Variants in COL14A1 observed in about 807,000 individuals in gnomAD.
The protein encoded by COL14A1 is collagen type XIV alpha 1 chain.
In COL14A1, 136 loss-of-function variants were observed where a neutral mutation model predicts 230.3. That is an observed-to-expected ratio of 0.59 (90% CI 0.51 to 0.68). The LOEUF (loss-of-function observed/expected upper bound fraction) is 0.68, where lower values mean the gene tolerates loss of function less well. Ranked by LOEUF, COL14A1 falls within the 30% of genes least tolerant of loss-of-function variation. The probability of loss-of-function intolerance (pLI) is 0.00; values close to 1 mark genes in which losing one functional copy is unlikely to be tolerated. For synonymous variants in COL14A1, 792 were observed against 784.1 expected, an observed-to-expected ratio of 1.01 and a Z score of -0.17; for missense variants, 1,976 against 2,215.8, an observed-to-expected ratio of 0.89 and a Z score of 2.17.
intron 21 of COL14A1, among the ~76,000 whole-genome samples, chr8:120,249,165 G>A (rs1241570014): frequency 2.7e-5 from 4 of 146,944 alleles, no homozygotes; most frequent in Non-Finnish European, 5.9e-5. Flanking sequence ...TGATCCACCC[G>A]CCTCGGCCTC....
chr8:120,125,174 C>T lies in COL14A1; in HGVS notation c.-204C>T. 6.5e-6 allele frequency: 1 copy of T among 152,712 alleles called. No homozygotes were observed. Among genetic ancestry groups the T allele is most frequent in the Non-Finnish European group, 1.5e-5 (1 of 68,418 alleles). The allele number at this position is 152,712 out of a possible 1,614,324, so 9.5% of individuals were successfully genotyped here. On this transcript the variant is annotated 5_prime_UTR_variant, in exon 1 of 48. Coordinates refer to ENST00000297848, the MANE Select transcript of COL14A1 (RefSeq NM_021110.4). ...CAGGGGGCTGGAAGTGGAAGCGCAG[C>T]GGCAGAAGGAGAGGGAGAGAGAAAG...
At chr8:120,275,222 A>G (rs1377988877) in intron 26 of COL14A1, among the ~76,000 whole-genome samples, 1 of 151,836 alleles carries the variant, frequency 6.6e-6, no homozygotes, top group East Asian at 1.9e-4. Flanking sequence ...TGGACAAAAC[A>G]TTCAAAAACA....
At chr8:120,133,645 T>C (rs548544139) in intron 1 of COL14A1, among the ~76,000 whole-genome samples, 2 of 152,318 alleles carry the variant, frequency 1.3e-5, no homozygotes, top group African/African-American at 4.8e-5. Context: ...TTTATATCAG[T>C]ATATTTGTGT....
intron 44 of COL14A1, among the ~76,000 whole-genome samples, chr8:120,342,872 A>C (rs970760693): frequency 1.3e-5 from 2 of 152,210 alleles, no homozygotes; most frequent in African/African-American, 4.8e-5. Flanking sequence ...ATTTAAATGA[A>C]TATTTCCTTC....
intron 12 of COL14A1, 115 bp downstream of exon 12, chr8:120,210,016 A>G: frequency 3.8e-6 from 3 of 799,394 alleles, no homozygotes; most frequent in Non-Finnish European, 5.1e-6. Context: ...TAGCCAAAAG[A>G]AAAAAAAACA....
intron 36 of COL14A1, among the ~76,000 whole-genome samples, chr8:120,301,644 G>A (rs547039634): frequency 3.1e-4 from 47 of 152,254 alleles, no homozygotes; most frequent in South Asian, 1.7e-3. Context: ...TTGCTATTGT[G>A]AATAGTGCTA....
At chr8:120,277,104 C>G (rs972656977) in intron 26 of COL14A1, among the ~76,000 whole-genome samples, 4 of 152,038 alleles carry the variant, frequency 2.6e-5, no homozygotes, top group Non-Finnish European at 5.9e-5. Context: ...GGAATAAAAG[C>G]CAGTTGTAAG....
At chr8:120,145,728 G>A (rs1029066147) in intron 1 of COL14A1, among the ~76,000 whole-genome samples, 12 of 152,170 alleles carry the variant, frequency 7.9e-5, no homozygotes, top group African/African-American at 2.7e-4. Context: ...TGTGAATTAG[G>A]ATGTTCATTG....
rs115859212 is a variant in COL14A1, at chr8:120,155,238, G to A, written c.89-2892G>A. On this transcript the variant is annotated intron_variant, in intron 2 of 47. Coordinates refer to ENST00000297848, the MANE Select transcript of COL14A1 (RefSeq NM_021110.4). ...ACAGTTGAATCATTTGTAAATTAAT[G>A]AAAGAGTAGAGTATTGATGGATTTG... is the stretch of plus-strand genomic sequence containing the variant. Among the ~76,000 whole-genome samples, 1,514 of 152,268 alleles carry A rather than the reference G, an allele frequency of 9.9e-3. 23 individuals are homozygous for A. Among genetic ancestry groups the A allele is most frequent in the African/African-American group, 0.035 (1,457 of 41,550 alleles).
At chr8:120,342,506 T>C (rs1160374479) in intron 44 of COL14A1, 60 bp downstream of exon 44, 29 of 1,538,310 alleles carry the variant, frequency 1.9e-5, no homozygotes, top group Non-Finnish European at 2.6e-5. Context: ...CAAAAGAGAG[T>C]TTCTTTTCCC....
chr8:120,138,419 C>T (rs1459107030), intron 1 of COL14A1, among the ~76,000 whole-genome samples: 1 of 152,148 alleles, frequency 6.6e-6, no homozygotes, highest in Admixed American at 6.6e-5. Context: ...TCCATTCTGA[C>T]ATTTCCCTTC....
intron 19 of COL14A1, among the ~76,000 whole-genome samples, chr8:120,240,827 T>C (rs1314303256): frequency 6.6e-6 from 1 of 152,186 alleles, no homozygotes; most frequent in African/African-American, 2.4e-5. Flanking sequence ...ATCTATCAAA[T>C]ACTTCTAGGT....
At chr8:120,336,621 T>C (rs117598889) in intron 42 of COL14A1, among the ~76,000 whole-genome samples, 3,811 of 152,162 alleles carry the variant, frequency 0.025, 75 homozygotes, top group Non-Finnish European at 0.037. Flanking sequence ...GGCTTCAATC[T>C]CTTCCCTACC....
chr8:120,165,582 C>T (rs974199880), intron 4 of COL14A1, among the ~76,000 whole-genome samples: 1 of 152,092 alleles, frequency 6.6e-6, no homozygotes, highest in Admixed American at 6.6e-5. Context: ...TACCATTTTG[C>T]TTGTAACAAT....
Position 120,289,746 on chromosome 8 carries a change from C to A in COL14A1, c.4216C>A (p.Pro1406Thr). ...VLGKMVRSRG[P>T]GGNSAPFQLQ... The stretch of plus-strand genomic sequence containing the variant: ...AGGGAAAATGGTTCGATCAAGAGGA[C>A]CAGGTGGAAACTCTGCACCGGTAAG... Residue 1406 changes from proline (P) to threonine (T), a missense_variant, in exon 34 of 48, where the codon CCA becomes ACA. Transcript: ENST00000297848. The A allele has an allele frequency of 6.2e-7, 1 of 1,613,446 alleles. No individual in the cohort carries two copies.
intron 33 of COL14A1, among the ~76,000 whole-genome samples, chr8:120,287,699 T>C (rs972253775): frequency 6.6e-6 from 1 of 152,074 alleles, no homozygotes; most frequent in Admixed American, 6.6e-5. Context: ...TAAGTGTTAA[T>C]AAAGCCAAAA....
At chr8:120,221,547 C>A (rs1433853097) in intron 14 of COL14A1, among the ~76,000 whole-genome samples, 1 of 123,580 alleles carries the variant, frequency 8.1e-6, no homozygotes, top group Non-Finnish European at 1.7e-5. Context: ...TTAACAGATA[C>A]ACACACACAC....
At chr8:120,286,910 C>G (rs977147269) in intron 33 of COL14A1, among the ~76,000 whole-genome samples, 5 of 152,194 alleles carry the variant, frequency 3.3e-5, no homozygotes, top group African/African-American at 1.2e-4. Flanking sequence ...GGGTGGACAT[C>G]TACCAACATC....
At chr8:120,281,464 C>T (rs779779719) in intron 31 of COL14A1, among the ~76,000 whole-genome samples, 53 of 151,402 alleles carry the variant, frequency 3.5e-4, no homozygotes, top group Non-Finnish European at 5.1e-4. Flanking sequence ...ACTCTGGAGA[C>T]TGAGGTGGGA....
Sources: allele counts gnomAD v4.1 joint callset (sites outside exome capture counted in the v4.1 genomes callset), GRCh38; gene constraint gnomAD v4.1.1; transcripts MANE v1.5; gene names NCBI Gene and HGNC (gene_info 2026-07-23, HGNC 2026-07-21).